SLC2A10: variants seen among roughly 807,000 people sequenced by gnomAD.
SLC2A10 encodes solute carrier family 2, facilitated glucose transporter member 10.
Under a neutral mutation model 32.1 loss-of-function variants are expected in SLC2A10, and 25 were observed. The observed-to-expected ratio is 0.78, with a 90% CI of 0.57 to 1.09. The LOEUF is 1.09. Ranked by LOEUF, SLC2A10 falls within the 50% of genes least tolerant of loss-of-function variation. The pLI, the probability that SLC2A10 is intolerant of heterozygous loss-of-function variation, is 0.00. For synonymous variants in SLC2A10, 332 were observed against 309.6 expected (o/e 1.07, Z -0.76); for missense variants, 673 against 686.5 (o/e 0.98, Z 0.22).
At position 46,727,867 on chromosome 20, in the gene SLC2A10, AT is replaced by A. The variant is rs1476447824; in HGVS notation, c.1411+883del. On this transcript the variant is annotated intron_variant, in intron 3 of 4. Transcript: ENST00000359271. ...GTTCTTAGGGTTCAGTTATTTTCCT[AT>A]TCCCTATGGCCAAGAGTTTCCTTCC... is the stretch of plus-strand genomic sequence containing the variant. Among the ~76,000 whole-genome samples the A allele has an allele frequency of 7.9e-5, 12 of 152,180 alleles. No homozygotes were observed. The South Asian group carries it at 2.5e-3, about 32-fold the overall frequency.
At chr20:46,708,358 G>C (rs371073473), upstream of SLC2A10, among the ~76,000 whole-genome samples, 9 of 152,302 alleles carry the variant, frequency 5.9e-5, no homozygotes, top group African/African-American at 2.2e-4. Context: ...TGTGAGTGCT[G>C]GGCTTGTACG....
At chr20:46,733,113 TG>T (rs1568989981) in intron 4 of SLC2A10, among the ~76,000 whole-genome samples, 1 of 152,176 alleles carries the variant, frequency 6.6e-6, no homozygotes, top group African/African-American at 2.4e-5. Context: ...GAAGAAATAC[TG>T]GGTAATTTAT....
chr20:46,729,353 G>T lies in SLC2A10; in HGVS notation c.1412G>T (p.Gly471Val), dbSNP rs774133507. 6.2e-7 allele frequency: 1 copy of T among 1,613,486 alleles called. No homozygotes were observed. The highest frequency in any genetic ancestry group is 1.7e-5 in the Admixed American group (1 of 60,020). The part of the protein sequence containing the change: ...FISLSFLDLI[G>V]TIGLSWTFLL... ...TACACTCCCGCCCTCCTGTTTCCAG[G>T]CACCATCGGCTTGTCCTGGACCTTC... Residue 471 changes from glycine (G) to valine (V), a missense_variant and splice_region_variant, in exon 4 of 5, where the codon GGC becomes GTC. Gly to Val is a moderately radical substitution (Grantham distance 109). Coordinates refer to ENST00000359271, the MANE Select transcript of SLC2A10 (RefSeq NM_030777.4).
chr20:46,723,378 G>A (rs563154700), intron 1 of SLC2A10, among the ~76,000 whole-genome samples: 2 of 152,188 alleles, frequency 1.3e-5, no homozygotes, highest in African/African-American at 4.8e-5. Flanking sequence ...TTCCATCTTA[G>A]TAGCCACCAA....
chr20:46,734,040 C>T lies in SLC2A10; in HGVS notation c.*206C>T, dbSNP rs1232399632. 3.2e-6 allele frequency: 2 copies of T among 628,254 alleles called. No homozygotes were observed. Among genetic ancestry groups the T allele is most frequent in the African/African-American group, 3.6e-5 (2 of 54,994 alleles). The allele number at this position is 628,254 out of a possible 1,614,324, so 38.9% of individuals were successfully genotyped here. ...TTTTGAGTCTCAGGCCCTGAAGGTT[C>T]CTGAGGATCTAGCTTCATGCCTCAG... On this transcript the variant is annotated 3_prime_UTR_variant, in exon 5 of 5. Transcript: ENST00000359271.
intron 3 of SLC2A10, among the ~76,000 whole-genome samples, chr20:46,729,118 C>T (rs1980134599): frequency 6.6e-6 from 1 of 152,196 alleles, no homozygotes; most frequent in African/African-American, 2.4e-5. Flanking sequence ...TTGCCTTTGT[C>T]TCTGTGCTTG....
chr20:46,726,082 A>G lies in SLC2A10; in HGVS notation c.1046A>G (p.Gln349Arg). ...TGLPGDSGLL[Q>R]DSSLPPIPRT... ...CTCCCTGGAGACTCTGGCCTGCTGC[A>G]GGACTCCTCTCTACCTCCCATTCCA... Residue 349 changes from glutamine to arginine, a missense_variant, in exon 2 of 5, where the codon CAG becomes CGG. Transcript: ENST00000359271. 1 of 1,614,206 alleles carries G rather than the reference A, an allele frequency of 6.2e-7. No individual in the cohort carries two copies.
At chr20:46,721,879 A>G (rs1600663600) in intron 1 of SLC2A10, among the ~76,000 whole-genome samples, 1 of 152,208 alleles carries the variant, frequency 6.6e-6, no homozygotes. Flanking sequence ...TGGTAACCCC[A>G]TCAGTGGGGA....
intron 1 of SLC2A10, among the ~76,000 whole-genome samples, chr20:46,724,761 T>G (rs904489164): frequency 6.8e-6 from 1 of 146,166 alleles, no homozygotes; most frequent in Non-Finnish European, 1.5e-5. Context: ...GGAGGATGAA[T>G]GGATGGATGG....
At chr20:46,733,232 G>A (rs562044017) in intron 4 of SLC2A10, among the ~76,000 whole-genome samples, 9 of 152,288 alleles carry the variant, frequency 5.9e-5, no homozygotes, top group African/African-American at 1.9e-4. Context: ...CGATCATGGC[G>A]GAAGGCGAAG....
Position 46,726,939 on chromosome 20 carries a change from A to G in SLC2A10, c.1364A>G (p.Asn455Ser). The change falls in exon 3 of 5, where the codon AAC (asparagine) becomes AGC (serine). Residue 455 changes from asparagine to serine, a missense_variant. By Grantham distance (46) the Asn-to-Ser change is conservative (BLOSUM62 1). Coordinates refer to ENST00000359271, the MANE Select transcript of SLC2A10 (RefSeq NM_030777.4). ...GCCTTCGCCTTCTGCAACAGCTTCA[A>G]CTGGGCGGCCAACCTCTTCATCAGC... ...GRAFAFCNSF[N>S]WAANLFISLS... is the part of the protein sequence containing the mutation. 1.2e-6 allele frequency: 2 copies of G among 1,614,150 alleles called. No homozygotes were observed. The highest frequency in any genetic ancestry group is 1.6e-4 in the Middle Eastern group (1 of 6,062).
intron 1 of SLC2A10, among the ~76,000 whole-genome samples, chr20:46,719,993 C>A (rs553868060): frequency 3.9e-5 from 6 of 152,320 alleles, no homozygotes; most frequent in Admixed American, 3.9e-4. Flanking sequence ...GTCCTCATTG[C>A]TTTACACTGT....
At position 46,734,920 on chromosome 20, in the gene SLC2A10, C is replaced by T. The variant is rs1980493894; in HGVS notation, c.*1086C>T. 6.6e-6 allele frequency: 1 copy of T among 152,660 alleles called. No individual in the cohort carries two copies. The highest frequency in any genetic ancestry group is 6.5e-5 in the Admixed American group (1 of 15,280). The allele number at this position is 152,660 out of a possible 1,614,324, so 9.5% of individuals were successfully genotyped here. Reference sequence around the variant, plus strand: ...GCAGCCCTTGAACTTGAGTAAATAACAACTCCCTGAACCTCAGTTTCCTCA... The same window carrying T: ...GCAGCCCTTGAACTTGAGTAAATAATAACTCCCTGAACCTCAGTTTCCTCA... On this transcript the variant is annotated 3_prime_UTR_variant, in exon 5 of 5. Coordinates refer to ENST00000359271, the MANE Select transcript of SLC2A10 (RefSeq NM_030777.4).
intron 1 of SLC2A10, chr20:46,714,736 C>T (rs1274101331): frequency 6.6e-6 from 1 of 152,492 alleles, no homozygotes; most frequent in East Asian, 1.9e-4. Flanking sequence ...AGGGCCTTGC[C>T]TGTCATGCTA....
Position 46,726,086 on chromosome 20 carries a change from C to G in SLC2A10, c.1050C>G (p.Asp350Glu), listed in dbSNP as rs1291831298. 1 of 1,614,132 alleles carries G rather than the reference C, an allele frequency of 6.2e-7. No individual in the cohort carries two copies. The highest frequency in any genetic ancestry group is 2.2e-5 in the East Asian group (1 of 44,902). The change falls in exon 2 of 5, where the codon GAC becomes GAG. Residue 350 changes from aspartate to glutamate, a missense_variant. Asp to Glu is a conservative substitution (Grantham distance 45). Coordinates refer to ENST00000359271, the MANE Select transcript of SLC2A10 (RefSeq NM_030777.4). ...CTGGAGACTCTGGCCTGCTGCAGGACTCCTCTCTACCTCCCATTCCAAGGA... is the reference window on the plus strand; with the variant it reads ...CTGGAGACTCTGGCCTGCTGCAGGAGTCCTCTCTACCTCCCATTCCAAGGA... ...GLPGDSGLLQ[D>E]SSLPPIPRTN...
rs1980556350 is a variant in SLC2A10 at position 46,736,148 on chromosome 20, T to G, written c.*2314T>G. 1 of 150,520 alleles carries G rather than the reference T, an allele frequency of 6.6e-6. No individual in the cohort carries two copies. The highest frequency in any genetic ancestry group is 6.6e-5 in the Admixed American group (1 of 15,228). 9.3% of individuals were successfully genotyped at this position (150,520 alleles called of 1,614,324 possible). Reference sequence around the variant, plus strand: ...TATGGAATTTAGGATAAAGAATATTTACAATAAAGAATATTTACAATAAAG... The same window carrying G: ...TATGGAATTTAGGATAAAGAATATTGACAATAAAGAATATTTACAATAAAG... On this transcript the variant is annotated 3_prime_UTR_variant, in exon 5 of 5. Transcript: ENST00000359271.
At chr20:46,713,171 G>A (rs1168894157) in intron 1 of SLC2A10, among the ~76,000 whole-genome samples, 1 of 152,154 alleles carries the variant, frequency 6.6e-6, no homozygotes, top group Non-Finnish European at 1.5e-5. Flanking sequence ...TGGCCTCAGG[G>A]AGACAGCTGA....
intron 1 of SLC2A10, among the ~76,000 whole-genome samples, chr20:46,713,842 A>C (rs903654012): frequency 3.3e-5 from 5 of 152,162 alleles, no homozygotes; most frequent in Non-Finnish European, 7.4e-5. Context: ...GCTCAGGACG[A>C]GTCAGTCTCT....
rs1057521373 is a variant in SLC2A10 at position 46,709,749 on chromosome 20, C to G, written c.4+9C>G. The G allele has an allele frequency of 4.5e-6, 7 of 1,547,702 alleles. No individual in the cohort carries two copies. The highest frequency in any genetic ancestry group is 6.1e-6 in the Non-Finnish European group (7 of 1,146,284). ...AGTCCCGCTCGCCATGGGTAAGTCC[C>G]GATCGGGCGCTGCCTGCTGGAAGCC... is the stretch of plus-strand genomic sequence containing the variant. On this transcript the variant is annotated intron_variant, in intron 1 of 4. Transcript: ENST00000359271.
Sources: allele counts gnomAD v4.1 joint callset (sites outside exome capture counted in the v4.1 genomes callset), GRCh38; gene constraint gnomAD v4.1.1; transcripts MANE v1.5; gene names NCBI Gene and HGNC (gene_info 2026-07-23, HGNC 2026-07-21).